The following TYW1B variants were observed in gnomAD, a reference collection of about 807,000 sequenced individuals.
The protein encoded by TYW1B is S-adenosyl-L-methionine-dependent tRNA 4-demethylwyosine synthase TYW1B.
Under a neutral mutation model 86.9 loss-of-function variants are expected in TYW1B, and 73 were observed. That is an observed-to-expected ratio of 0.84 (90% CI 0.70 to 1.02). The LOEUF (loss-of-function observed/expected upper bound fraction) is 1.02, where lower values mean the gene tolerates loss of function less well. TYW1B is among the 50% of genes least tolerant of loss of function. TYW1B has a pLI of 0.00. For synonymous variants in TYW1B, 248 were observed against 292.8 expected (o/e 0.85, Z 1.56); for missense variants, 637 against 827.4 (o/e 0.77, Z 2.82).
intron 10 of TYW1B, among the ~76,000 whole-genome samples, chr7:72,712,382 G>A (rs1486386642): frequency 3.3e-5 from 5 of 152,156 alleles, no homozygotes; most frequent in African/African-American, 1.2e-4. Context: ...AGGCTGGAGT[G>A]CAATGGTGCG....
intron 8 of TYW1B, among the ~76,000 whole-genome samples, chr7:72,738,711 G>A (rs1352481906): frequency 6.6e-6 from 1 of 152,078 alleles, no homozygotes; most frequent in Non-Finnish European, 1.5e-5. Context: ...GATGACCTAA[G>A]AGATACTTTT....
rs545082844 is a variant in TYW1B at position 72,825,297 on chromosome 7, T to TC, written c.135+1557dup. ...AAAAAGAGAGAATGGGAAGCATCTTTCAACTAGATATCAGCTGTATTTACT... is the reference window on the plus strand; with the variant it reads ...AAAAAGAGAGAATGGGAAGCATCTTTCCAACTAGATATCAGCTGTATTTACT... On this transcript the variant is annotated intron_variant, in intron 2 of 13. Transcript: ENST00000620995. Among the ~76,000 whole-genome samples the TC allele has an allele frequency of 1.2e-4, 19 of 152,262 alleles. No homozygotes were observed. In the East Asian group the frequency reaches 3.5e-3, roughly 28 times the overall value.
At chr7:72,638,551 T>A (rs1434830932) in intron 11 of TYW1B, among the ~76,000 whole-genome samples, 1 of 152,140 alleles carries the variant, frequency 6.6e-6, no homozygotes, top group East Asian at 1.9e-4. Context: ...ACAGCTAACA[T>A]CATACTTAAT....
chr7:72,579,116 A>T (rs1554429256), intron 13 of TYW1B, among the ~76,000 whole-genome samples: 1 of 152,148 alleles, frequency 6.6e-6, no homozygotes. Flanking sequence ...AGTACACGCA[A>T]ATATACACAC....
chr7:72,774,247 C>CAA (rs200444560), intron 7 of TYW1B, among the ~76,000 whole-genome samples: 20 of 151,966 alleles, frequency 1.3e-4, no homozygotes, highest in Middle Eastern at 3.4e-3. Flanking sequence ...AGGTAGACTA[C>CAA]ATAGAAGTGT....
chr7:72,738,972 G>C (rs577706322), intron 8 of TYW1B, among the ~76,000 whole-genome samples: 88 of 152,202 alleles, frequency 5.8e-4, no homozygotes, highest in African/African-American at 1.9e-3. Context: ...TGTAGCTGGA[G>C]TTACTCAAGT....
chr7:72,827,630 TAAG>T (rs1379246953), intron 1 of TYW1B, among the ~76,000 whole-genome samples: 2 of 152,168 alleles, frequency 1.3e-5, no homozygotes, highest in African/African-American at 4.8e-5. Context: ...AAAAAAAGCT[TAAG>T]TAGTAAAAGT....
At chr7:72,745,736 A>C (rs559709773) in intron 7 of TYW1B, among the ~76,000 whole-genome samples, 50 of 152,096 alleles carry the variant, frequency 3.3e-4, no homozygotes, top group African/African-American at 1.1e-3. Flanking sequence ...GAAGTCATCC[A>C]AAATAACTGA....
intron 9 of TYW1B, among the ~76,000 whole-genome samples, chr7:72,718,087 T>C (rs2844069): frequency 4.6e-5 from 7 of 152,164 alleles, no homozygotes; most frequent in African/African-American, 9.7e-5. Context: ...TGTCCATCAA[T>C]GGTTGACTGG....
intron 13 of TYW1B, among the ~76,000 whole-genome samples, chr7:72,595,393 A>C (rs1303124530): frequency 6.6e-6 from 1 of 152,248 alleles, no homozygotes; most frequent in African/African-American, 2.4e-5. Flanking sequence ...GTTCATCAAC[A>C]ATAGCCACCA....
chr7:72,827,841 G>A (rs1413936113), intron 1 of TYW1B, among the ~76,000 whole-genome samples: 1 of 152,166 alleles, frequency 6.6e-6, no homozygotes, highest in African/African-American at 2.4e-5. Context: ...AATACACGTG[G>A]GTAAAGTGGG....
intron 7 of TYW1B, among the ~76,000 whole-genome samples, chr7:72,774,528 C>T (rs1163200449): frequency 1.3e-5 from 2 of 151,960 alleles, no homozygotes; most frequent in Non-Finnish European, 2.9e-5. Context: ...AGAGACCATC[C>T]TGGCTAACAC....
At chr7:72,751,829 G>A (rs940065686) in intron 7 of TYW1B, among the ~76,000 whole-genome samples, 1 of 152,160 alleles carries the variant, frequency 6.6e-6, no homozygotes, top group African/African-American at 2.4e-5. Context: ...ATGTGCTATG[G>A]TTCCAATGGC....
In TYW1B at chr7:72,718,589, A is replaced by G. The variant is rs543166891; in HGVS notation, c.1193-4791T>C. On this transcript the variant is annotated intron_variant, in intron 9 of 13. Transcript: ENST00000620995. ...CTTCTTTTATGACTATGTAACTGCA[A>G]TTGTAAGAATGTATTTCGTGTCAGT... Among the ~76,000 whole-genome samples the G allele has an allele frequency of 4.3e-3, 661 of 152,202 alleles. 2 individuals are homozygous for G. The highest frequency in any genetic ancestry group is 0.01 in the Middle Eastern group (3 of 294).
chr7:72,629,530 G>A (rs1241869707), intron 11 of TYW1B, among the ~76,000 whole-genome samples: 3 of 152,106 alleles, frequency 2.0e-5, no homozygotes, highest in Non-Finnish European at 2.9e-5. Flanking sequence ...CCACAAGAGG[G>A]ACTGGCTTTC....
At chr7:72,762,127 GT>G (rs2129571713) in intron 7 of TYW1B, among the ~76,000 whole-genome samples, 1 of 152,108 alleles carries the variant, frequency 6.6e-6, no homozygotes, top group South Asian at 2.1e-4. Context: ...ATTGCAAGAG[GT>G]TTTGATTTTT....
Position 72,616,601 on chromosome 7 carries a change from AT to A in TYW1B, c.1785+70del, listed in dbSNP as rs1812078036. 5 of 1,611,598 alleles carry A rather than the reference AT, an allele frequency of 3.1e-6. No homozygotes were observed. The South Asian group carries it at 4.4e-5, about 14-fold the overall frequency. On this transcript the variant is annotated intron_variant, in intron 13 of 13. Transcript: ENST00000620995. The stretch of plus-strand genomic sequence containing the variant: ...ATCCCTATAACAACGTAAGAGGAAA[AT>A]AAAGAGAGAAGAGAAGGAAAGAACA...
At chr7:72,586,081 G>A (rs1396034082) in intron 13 of TYW1B, among the ~76,000 whole-genome samples, 2 of 152,154 alleles carry the variant, frequency 1.3e-5, no homozygotes, top group Non-Finnish European at 2.9e-5. Flanking sequence ...TCTGAAAGCT[G>A]TTATATTCAT....
At chr7:72,729,734 C>T (rs1787070213) in intron 8 of TYW1B, among the ~76,000 whole-genome samples, 1 of 152,122 alleles carries the variant, frequency 6.6e-6, no homozygotes. Context: ...ACAGGCAGAA[C>T]TACCGTGTGC....
Sources: gnomAD v4.1 joint callset for allele counts (sites outside exome capture counted in the v4.1 genomes callset) on GRCh38, gnomAD v4.1.1 for gene constraint, MANE v1.5 for transcripts, NCBI Gene and HGNC (gene_info 2026-07-23, HGNC 2026-07-21) for gene names.